The following ST3GAL3 variants were observed in gnomAD, a reference collection of about 807,000 sequenced individuals.
ST3GAL3 encodes the protein CMP-N-acetylneuraminate-beta-1,4-galactoside alpha-2,3-sialyltransferase.
A neutral mutation model predicts 50.1 loss-of-function variants in ST3GAL3; 21 were observed. The ratio of observed to expected loss-of-function variants is 0.42; its 90% CI spans 0.30 to 0.60. The LOEUF is 0.60. ST3GAL3 is among the 20% of genes least tolerant of loss of function. The probability of loss-of-function intolerance (pLI) is 0.19; values close to 1 mark genes in which losing one functional copy is unlikely to be tolerated. For synonymous variants in ST3GAL3, 183 were observed against 190.0 expected (o/e 0.96, Z 0.30); for missense variants, 353 against 489.4 (o/e 0.72, Z 2.63).
At chr1:43,708,791 T>C (rs1013988756) in intron 1 of ST3GAL3, among the ~76,000 whole-genome samples, 1 of 152,314 alleles carries the variant, frequency 6.6e-6, no homozygotes, top group Middle Eastern at 3.4e-3. Context: ...AAAAATAAAA[T>C]GTTAACGATG....
At chr1:43,810,755 C>T (rs1200495112) in intron 3 of ST3GAL3, among the ~76,000 whole-genome samples, 2 of 152,068 alleles carry the variant, frequency 1.3e-5, no homozygotes, top group Non-Finnish European at 2.9e-5. Flanking sequence ...AGCAGAGGGG[C>T]GAGGGGCGAA....
At chr1:43,710,417 A>G (rs1664097361) in intron 1 of ST3GAL3, among the ~76,000 whole-genome samples, 1 of 152,132 alleles carries the variant, frequency 6.6e-6, no homozygotes, top group Non-Finnish European at 1.5e-5. Context: ...CTGTCATCAC[A>G]CTGATCTGGG....
At chr1:43,833,659 A>G (rs1292301088) in intron 4 of ST3GAL3, among the ~76,000 whole-genome samples, 1 of 152,228 alleles carries the variant, frequency 6.6e-6, no homozygotes, top group African/African-American at 2.4e-5. Context: ...AAATCCAAGC[A>G]GAGTGACTCT....
At chr1:43,797,563 G>T (rs1257020861) in intron 3 of ST3GAL3, among the ~76,000 whole-genome samples, 1 of 152,140 alleles carries the variant, frequency 6.6e-6, no homozygotes, top group Admixed American at 6.5e-5. Context: ...ATTAATTGAT[G>T]AAGAAAACGC....
chr1:43,722,875 A>G (rs972997906), intron 1 of ST3GAL3, among the ~76,000 whole-genome samples: 4 of 152,204 alleles, frequency 2.6e-5, no homozygotes, highest in Admixed American at 6.5e-5. Flanking sequence ...CTCAGAAGGG[A>G]TATCTAGGCT....
At chr1:43,912,665 A>G (rs1403218116) in intron 9 of ST3GAL3, 1 of 152,198 alleles carries the variant, frequency 6.6e-6, no homozygotes, top group Non-Finnish European at 1.5e-5. Context: ...AAAGCCTACC[A>G]TGGTTAATCT....
chr1:43,757,770 A>G (rs1224662368), intron 2 of ST3GAL3, among the ~76,000 whole-genome samples: 4 of 152,240 alleles, frequency 2.6e-5, no homozygotes, highest in Non-Finnish European at 4.4e-5. Context: ...AAGCATAAAA[A>G]AAAACATTGA....
In ST3GAL3 at chr1:43,920,491, C is replaced by G; in HGVS notation, c.832C>G (p.Gln278Glu). Residue 278 changes from glutamine (Q) to glutamate (E), a missense_variant, in exon 10 of 12, where the codon CAG (glutamine) becomes GAG (glutamate). Gln to Glu is a conservative substitution (Grantham distance 29). Transcript: ENST00000347631. The stretch of plus-strand genomic sequence containing the variant: ...TCGAATCCTCAACCCATATTTCATC[C>G]AGGAGGCCGCCTTCACCCTCATTGG... ...EIRILNPYFIQEAAFTLIGLP... is the reference protein window; with the variant it reads ...EIRILNPYFIEEAAFTLIGLP... The G allele has an allele frequency of 6.2e-7, 1 of 1,614,202 alleles. No homozygotes were observed. The highest frequency in any genetic ancestry group is 8.5e-7 in the Non-Finnish European group (1 of 1,180,036).
intron 3 of ST3GAL3, among the ~76,000 whole-genome samples, chr1:43,800,592 C>G (rs1040158186): frequency 2.0e-5 from 3 of 152,204 alleles, no homozygotes; most frequent in African/African-American, 7.2e-5. Flanking sequence ...AGAATCAGCC[C>G]TGGGTTGGTT....
intron 5 of ST3GAL3, among the ~76,000 whole-genome samples, chr1:43,885,432 T>TCG (rs2154260066): frequency 6.6e-6 from 1 of 152,138 alleles, no homozygotes; most frequent in East Asian, 1.9e-4. Context: ...TGAGGCTGCC[T>TCG]CGCGTGCCGG....
intron 5 of ST3GAL3, chr1:43,858,439 C>G (rs1219564178): frequency 1.3e-6 from 1 of 769,488 alleles, no homozygotes; most frequent in African/African-American, 1.8e-5. Flanking sequence ...TGAGAGCAGG[C>G]AGGCTGGCTG....
At chr1:43,911,297 C>G (rs1004511670) in intron 9 of ST3GAL3, 1 of 151,798 alleles carries the variant, frequency 6.6e-6, no homozygotes, top group Non-Finnish European at 1.5e-5. Flanking sequence ...TGCACACCCA[C>G]CACACCTGAC....
intron 4 of ST3GAL3, among the ~76,000 whole-genome samples, chr1:43,832,934 C>T (rs2063738999): frequency 6.6e-6 from 1 of 152,102 alleles, no homozygotes; most frequent in Non-Finnish European, 1.5e-5. Context: ...TCATGCATGT[C>T]CCCCTAGCAT....
At chr1:43,817,396 CTTT>C (rs1211199742) in intron 4 of ST3GAL3, among the ~76,000 whole-genome samples, 103 of 29,482 alleles carry the variant, frequency 3.5e-3, no homozygotes, top group African/African-American at 0.022. Flanking sequence ...TCTTCTCCTC[CTTT>C]TTCTCCTTCT....
chr1:43,924,048 A>C (rs896390829), intron 11 of ST3GAL3, among the ~76,000 whole-genome samples: 2 of 152,152 alleles, frequency 1.3e-5, no homozygotes, highest in Non-Finnish European at 2.9e-5. Flanking sequence ...CATGGGGAGG[A>C]CATAAACATT....
chr1:43,857,654 C>T (rs1284770269), intron 5 of ST3GAL3, among the ~76,000 whole-genome samples: 5 of 144,942 alleles, frequency 3.4e-5, no homozygotes, highest in South Asian at 4.3e-4. Flanking sequence ...CTTGCTCTGT[C>T]GCCCAGGCTG....
At chr1:43,758,377 G>A (rs1484569478) in intron 2 of ST3GAL3, among the ~76,000 whole-genome samples, 1 of 151,898 alleles carries the variant, frequency 6.6e-6, no homozygotes, top group African/African-American at 2.4e-5. Context: ...CAGTCTCCTG[G>A]GTAGCTAGGA....
chr1:43,886,184 C>T (rs1325586256), intron 5 of ST3GAL3, among the ~76,000 whole-genome samples: 2 of 152,170 alleles, frequency 1.3e-5, no homozygotes, highest in East Asian at 3.9e-4. Flanking sequence ...AATTTGAAAC[C>T]AGCCTAGCCA....
chr1:43,889,753 T>C (rs1248945582), intron 5 of ST3GAL3, among the ~76,000 whole-genome samples: 1 of 152,126 alleles, frequency 6.6e-6, no homozygotes, highest in African/African-American at 2.4e-5. Flanking sequence ...GAGATACAAA[T>C]ATAAAGTCAA....
Sources: gnomAD v4.1 joint callset for allele counts (sites outside exome capture counted in the v4.1 genomes callset) on GRCh38, gnomAD v4.1.1 for gene constraint, MANE v1.5 for transcripts, NCBI Gene and HGNC (gene_info 2026-07-23, HGNC 2026-07-21) for gene names.